The following FANCA variants were observed in gnomAD, a reference collection of about 807,000 sequenced individuals.
FANCA encodes Fanconi anemia group A protein.
FANCA carries 236 observed loss-of-function variants against 194.3 expected under a neutral mutation model. That is an observed-to-expected ratio of 1.21 (90% CI 1.09 to 1.35). FANCA has a LOEUF of 1.35. FANCA is among the 40% of genes most tolerant of loss of function. The probability of loss-of-function intolerance (pLI) is 0.00; values close to 1 mark genes in which losing one functional copy is unlikely to be tolerated. For synonymous variants in FANCA, 1,014 were observed against 715.8 expected, an observed-to-expected ratio of 1.42 and a Z score of -6.65; for missense variants, 2,628 against 1,813.9, an observed-to-expected ratio of 1.45 and a Z score of -8.15.
chr16:89,786,461 G>A (rs1476259170), intron 14 of FANCA, among the ~76,000 whole-genome samples: 1 of 152,064 alleles, frequency 6.6e-6, no homozygotes, highest in Non-Finnish European at 1.5e-5. Context: ...ACAGACATGA[G>A]CCACCACGTC....
intron 5 of FANCA, 93 bp downstream of exon 5, chr16:89,810,614 C>A: frequency 1.2e-6 from 1 of 847,362 alleles, no homozygotes; most frequent in Non-Finnish European, 2.1e-6. Context: ...TTGGAGAATT[C>A]CCAAGAAAAC....
intron 30 of FANCA, among the ~76,000 whole-genome samples, chr16:89,754,102 A>C (rs1461494444): frequency 6.6e-6 from 1 of 152,070 alleles, no homozygotes; most frequent in Non-Finnish European, 1.5e-5. Flanking sequence ...GGTGCCTGTA[A>C]TCCCAGCTAC....
intron 37 of FANCA, 86 bp downstream of exon 37, chr16:89,742,713 CA>C: frequency 1.2e-6 from 1 of 814,134 alleles, no homozygotes; most frequent in African/African-American, 2.1e-5. Flanking sequence ...TTTAGAAAAA[CA>C]GTTCATCAGA....
At chr16:89,742,776 C>T in intron 37 of FANCA, 24 bp downstream of exon 37, 1 of 1,585,888 alleles carries the variant, frequency 6.3e-7, no homozygotes, top group African/African-American at 1.4e-5. Flanking sequence ...GAAAATAAAT[C>T]AGTAAAAGAA....
At position 89,790,658 on chromosome 16, in the gene FANCA, A is replaced by G. The variant is rs78713889; in HGVS notation, c.1359+745T>C. On this transcript the variant is annotated intron_variant, in intron 14 of 42. Transcript: ENST00000389301. ...GCAGGAGAATAGCTTGAAACGGGGC[A>G]GCGGAGTTTGCAGTGAGCCGAGAAG... Among the ~76,000 whole-genome samples, 770 of 151,290 alleles carry G rather than the reference A, an allele frequency of 5.1e-3. 6 individuals are homozygous for G. The highest frequency in any genetic ancestry group is 0.018 in the African/African-American group (747 of 41,222).
intron 37 of FANCA, 138 bp downstream of exon 37, chr16:89,742,662 A>C (rs2062165114): frequency 7.8e-6 from 6 of 773,662 alleles, no homozygotes; most frequent in African/African-American, 5.5e-5. Context: ...ACAAAAAAAA[A>C]AAAAAAAAAA....
intron 6 of FANCA, among the ~76,000 whole-genome samples, chr16:89,807,869 C>T (rs917933253): frequency 2.6e-5 from 4 of 151,786 alleles, no homozygotes; most frequent in African/African-American, 4.8e-5. Flanking sequence ...GGTGACAGAA[C>T]GAGACTCTGT....
In FANCA at chr16:89,791,910, C is replaced by T. The variant is rs751813860; in HGVS notation, c.1225+17G>A. The T allele has an allele frequency of 5.6e-6, 9 of 1,614,080 alleles. No individual in the cohort carries two copies. The East Asian group carries it at 6.7e-5, about 12-fold the overall frequency. Reference sequence around the variant, plus strand: ...CACACTCTTGACCAGCACCACCGGGCTCGCGTAAAAGCTCACCTTCAAGCA... The same window carrying T: ...CACACTCTTGACCAGCACCACCGGGTTCGCGTAAAAGCTCACCTTCAAGCA... On this transcript the variant is annotated intron_variant, in intron 13 of 42. Transcript: ENST00000389301.
chr16:89,814,153 G>C (rs1056685759), intron 3 of FANCA, among the ~76,000 whole-genome samples: 2 of 152,098 alleles, frequency 1.3e-5, no homozygotes, highest in Non-Finnish European at 2.9e-5. Context: ...TCTCAAACTG[G>C]GGGGAGAAGG....
Position 89,748,663 on chromosome 16 carries a change from T to C in FANCA, c.3344A>G (p.Glu1115Gly), listed in dbSNP as rs1057520051. 2.5e-6 allele frequency: 4 copies of C among 1,613,476 alleles called. No homozygotes were observed. The highest frequency in any genetic ancestry group is 3.4e-6 in the Non-Finnish European group (4 of 1,179,522). ...ACGTGCACACGGGGCACCTACCATC[T>C]CAGAGTTGACCAAGTGGAAGAACTG... ...CEQFFHLVNS[E>G]MRNFCSHGGA... is the part of the protein sequence containing the mutation. The change falls in exon 33 of 43, where the codon GAG (glutamate) becomes GGG (glycine). Residue 1115 changes from glutamate (E) to glycine (G), a missense_variant. Glu to Gly is a moderately conservative substitution (Grantham distance 98, BLOSUM62 -2). Transcript: ENST00000389301.
chr16:89,738,764 G>GTC, intron 42 of FANCA, 56 bp from the exon 43 acceptor site: 1 of 1,612,578 alleles, frequency 6.2e-7, no homozygotes, highest in Non-Finnish European at 8.5e-7. Context: ...TCAGACCACA[G>GTC]GGGAGGGGCT....
intron 33 of FANCA, among the ~76,000 whole-genome samples, chr16:89,747,289 G>A (rs1436737245): frequency 6.6e-6 from 1 of 152,206 alleles, no homozygotes; most frequent in Non-Finnish European, 1.5e-5. Context: ...CCTGTCTGTC[G>A]GCTGTCACGT....
intron 14 of FANCA, among the ~76,000 whole-genome samples, 169 bp from the exon 15 acceptor site, chr16:89,785,133 G>A (rs2039854679): frequency 6.6e-6 from 1 of 152,170 alleles, no homozygotes; most frequent in Admixed American, 6.5e-5. Context: ...CCTAGGCAGT[G>A]TCCGGGCGGC....
chr16:89,773,163 A>G (rs2039382090), intron 22 of FANCA, 108 bp downstream of exon 22: 1 of 868,308 alleles, frequency 1.2e-6, no homozygotes, highest in Middle Eastern at 3.2e-4. Context: ...CTGGACTACT[A>G]GGAAGACACA....
chr16:89,808,189 T>C (rs1007968104), intron 6 of FANCA, 105 bp downstream of exon 6: 1 of 1,050,738 alleles, frequency 9.5e-7, no homozygotes, highest in South Asian at 1.3e-5. Context: ...ACAAATTATA[T>C]GTCAAAGCCA....
chr16:89,781,480 T>C (rs1014027902), intron 17 of FANCA, among the ~76,000 whole-genome samples: 5 of 149,170 alleles, frequency 3.4e-5, no homozygotes, highest in Non-Finnish European at 7.4e-5. Flanking sequence ...GAGACCATCC[T>C]GGATAACATG....
intron 3 of FANCA, among the ~76,000 whole-genome samples, chr16:89,812,710 G>C (rs943759342): frequency 1.4e-5 from 2 of 147,984 alleles, no homozygotes; most frequent in African/African-American, 4.9e-5. Context: ...TAATGTACTG[G>C]CTCTAAAAAC....
chr16:89,770,113 C>T (rs1346379201), intron 25 of FANCA, 53 bp downstream of exon 25: 1 of 1,571,726 alleles, frequency 6.4e-7, no homozygotes, highest in Admixed American at 1.9e-5. Flanking sequence ...GAAGTAGCAG[C>T]CTGGCCCTCA....
At chr16:89,742,456 A>G (rs2062156816) in intron 37 of FANCA, among the ~76,000 whole-genome samples, 1 of 152,158 alleles carries the variant, frequency 6.6e-6, no homozygotes, top group Admixed American at 6.5e-5. Flanking sequence ...TCTCAACTAC[A>G]TACAACCATT....
Sources: allele counts gnomAD v4.1 joint callset (sites outside exome capture counted in the v4.1 genomes callset), GRCh38; gene constraint gnomAD v4.1.1; transcripts MANE v1.5; gene names NCBI Gene and HGNC (gene_info 2026-07-23, HGNC 2026-07-21).